Variants in ADGRG4 observed in about 807,000 individuals in gnomAD.
The protein encoded by ADGRG4 is adhesion G protein-coupled receptor G4, also known as G protein-coupled receptor 112.
Under a neutral mutation model 126.2 loss-of-function variants are expected in ADGRG4, and 122 were observed. The ratio of observed to expected loss-of-function variants is 0.97; its 90% CI spans 0.83 to 1.12. ADGRG4 has a LOEUF of 1.12. Among genes scored for constraint, ADGRG4 ranks in the 50% most tolerant of loss-of-function variants. The pLI, the probability that ADGRG4 is intolerant of heterozygous loss-of-function variation, is 0.00. For synonymous variants in ADGRG4, 943 were observed against 838.7 expected (o/e 1.12, Z -2.15); for missense variants, 2,481 against 2,251.8 (o/e 1.10, Z -2.06).
rs764469544 is a variant in ADGRG4, at chrX:136,349,091, T to C, written c.5385T>C (p.Thr1795=). 24 of 1,207,327 alleles carry C rather than the reference T, an allele frequency of 2.0e-5. No homozygotes were observed. The Admixed American group carries it at 5.2e-4, about 26-fold the overall frequency. Residue 1795 remains threonine, a synonymous_variant, in exon 6 of 26, where the codon ACT becomes ACC. Coordinates refer to ENST00000394143, the MANE Select transcript of ADGRG4 (RefSeq NM_153834.4). ...KTTTNCFSSN[T]RKMTSLLEKT... The stretch of plus-strand genomic sequence containing the variant: ...CCACCAATTGCTTTTCTTCTAATAC[T>C]AGAAAGATGACTTCCTTGTTAGAAA...
chrX:136,361,616 A>G (rs1233303979), intron 12 of ADGRG4, 29 bp downstream of exon 12: 11 of 1,095,734 alleles, frequency 1.0e-5, no homozygotes, highest in Non-Finnish European at 1.1e-5. Flanking sequence ...CTAATTGCTG[A>G]TTCAGATATA....
At chrX:136,301,531 G>T (rs1208166168) in intron 1 of ADGRG4, among the ~76,000 whole-genome samples, 1 of 111,877 alleles carries the variant, frequency 8.9e-6, no homozygotes, top group Non-Finnish European at 1.9e-5. Flanking sequence ...CTCTCATTCT[G>T]TAAGTTGCCT....
intron 19 of ADGRG4, 90 bp downstream of exon 19, chrX:136,395,583 A>G: frequency 2.2e-6 from 1 of 460,284 alleles, no homozygotes; most frequent in Non-Finnish European, 3.6e-6. Context: ...AAAAAATGGT[A>G]TGCATTTGGA....
intron 13 of ADGRG4, among the ~76,000 whole-genome samples, chrX:136,369,190 T>G (rs976778273): frequency 8.9e-6 from 1 of 112,701 alleles, no homozygotes; most frequent in Non-Finnish European, 1.9e-5. Context: ...AGGATAATAA[T>G]ACATTGTTGC....
intron 15 of ADGRG4, among the ~76,000 whole-genome samples, chrX:136,380,651 C>CTTCTT (rs1313068786): frequency 1.4e-5 from 1 of 73,191 alleles, no homozygotes; most frequent in Non-Finnish European, 2.7e-5. Context: ...TCTTCTTCTT[C>CTTCTT]CTCCTCCTCC....
chrX:136,347,637 C>T lies in ADGRG4; in HGVS notation c.3931C>T (p.Gln1311Ter), dbSNP rs1433246655. The T allele has an allele frequency of 4.1e-6, 5 of 1,209,106 alleles. No individual in the cohort carries two copies. The highest frequency in any genetic ancestry group is 5.6e-6 in the Non-Finnish European group (5 of 894,111). The part of the protein sequence containing the change: ...FPETTKISSH[Q>*]THSPSEIPLG... ...TGAGACCACAAAAATTTCCAGTCACCAAACACATTCGCCTTCAGAGATTCC... is the reference window on the plus strand; with the variant it reads ...TGAGACCACAAAAATTTCCAGTCACTAAACACATTCGCCTTCAGAGATTCC... Residue 1311 changes from glutamine to a stop codon, truncating the protein, a stop_gained, in exon 6 of 26, where the codon CAA becomes TAA. Transcript: ENST00000394143. LOFTEE classifies it high-confidence loss of function.
chrX:136,397,085 G>A (rs762581927), intron 19 of ADGRG4, among the ~76,000 whole-genome samples: 3 of 111,112 alleles, frequency 2.7e-5, no homozygotes, highest in Non-Finnish European at 5.7e-5. Flanking sequence ...CACCCCGCCC[G>A]GCCCCAAATA....
intron 13 of ADGRG4, among the ~76,000 whole-genome samples, chrX:136,367,502 C>G (rs1351850167): frequency 8.9e-6 from 1 of 111,984 alleles, no homozygotes; most frequent in Non-Finnish European, 1.9e-5. Context: ...AATAAACAGT[C>G]ATAACAACAA....
At chrX:136,398,161 T>C (rs1187237023) in intron 20 of ADGRG4, among the ~76,000 whole-genome samples, 159 bp downstream of exon 20, 10 of 112,233 alleles carry the variant, frequency 8.9e-5, no homozygotes, top group Non-Finnish European at 1.9e-4. Context: ...TCAAGGCTTC[T>C]CTAAAAATAT....
chrX:136,416,490 G>C lies in ADGRG4; in HGVS notation c.9242G>C (p.Ter3081SerextTer9). The change falls in exon 26 of 26, where the codon TGA (stop) becomes TCA (serine). Residue 3081 changes from the stop codon to serine, a stop_lost. Transcript: ENST00000394143. ...AAAGATCCTTACTGTTCCTCTCCTT[G>C]ATTTGTGAAGTTGTGCCTAATTATG... ...FDKDPYCSSP[*>S] 1 of 1,184,820 alleles carries C rather than the reference G, an allele frequency of 8.4e-7. No homozygotes were observed. Among genetic ancestry groups the C allele is most frequent in the South Asian group, 1.8e-5 (1 of 54,843 alleles).
At chrX:136,363,217 T>C (rs1326035914) in intron 12 of ADGRG4, among the ~76,000 whole-genome samples, 1 of 111,441 alleles carries the variant, frequency 9.0e-6, no homozygotes, top group Admixed American at 9.5e-5. Flanking sequence ...AGTAGGACAT[T>C]GCCATGCCCC....
At chrX:136,351,709 G>A (rs1194221907) in intron 7 of ADGRG4, among the ~76,000 whole-genome samples, 168 bp downstream of exon 7, 1 of 107,574 alleles carries the variant, frequency 9.3e-6, no homozygotes, top group African/African-American at 3.4e-5. Flanking sequence ...TACTCTGTAA[G>A]CAACATCATG....
chrX:136,367,548 T>C (rs1336039047), intron 13 of ADGRG4, among the ~76,000 whole-genome samples: 1 of 111,947 alleles, frequency 8.9e-6, no homozygotes, highest in African/African-American at 3.3e-5. Flanking sequence ...TTTTAGAAAA[T>C]TGACTGAGAA....
intron 2 of ADGRG4, among the ~76,000 whole-genome samples, chrX:136,304,413 A>G (rs1425163790): frequency 8.9e-6 from 1 of 112,264 alleles, no homozygotes; most frequent in Non-Finnish European, 1.9e-5. Context: ...TCCCACCCAA[A>G]ACCCCTCAGT....
intron 16 of ADGRG4, among the ~76,000 whole-genome samples, chrX:136,391,616 T>C (rs1448357018): frequency 8.9e-6 from 1 of 112,168 alleles, no homozygotes; most frequent in Non-Finnish European, 1.9e-5. Flanking sequence ...ACATAATAAG[T>C]GGCTCACTGT....
chrX:136,406,479 T>C (rs1176789334), intron 23 of ADGRG4, among the ~76,000 whole-genome samples: 1 of 112,333 alleles, frequency 8.9e-6, no homozygotes, highest in Non-Finnish European at 1.9e-5. Flanking sequence ...AAACAACCTT[T>C]AAAAAGTTAC....
Position 136,392,372 on chromosome X carries a change from A to C in ADGRG4, c.8034+18A>C. 2 of 1,131,837 alleles carry C rather than the reference A, an allele frequency of 1.8e-6. No individual in the cohort carries two copies. Among genetic ancestry groups the C allele is most frequent in the Non-Finnish European group, 2.4e-6 (2 of 848,865 alleles). 93.3% of individuals were successfully genotyped at this position (1,131,837 alleles called of 1,213,427 possible). A position where few individuals can be genotyped will look rare whatever the true frequency, so the allele number is the denominator to read the frequency against. On this transcript the variant is annotated intron_variant, in intron 17 of 25. Transcript: ENST00000394143. The stretch of plus-strand genomic sequence containing the variant: ...GAAACCAGGTAATATATCTATTTTC[A>C]GCTCAGAATCAAATGGCCTCAGGAA...
At chrX:136,409,552 C>T (rs777690922) in intron 23 of ADGRG4, among the ~76,000 whole-genome samples, 5 of 111,851 alleles carry the variant, frequency 4.5e-5, no homozygotes, top group Non-Finnish European at 3.8e-5. Flanking sequence ...GGTGCTGCAC[C>T]GCCTTCCAGG....
chrX:136,385,786 C>T (rs950766536), intron 15 of ADGRG4, among the ~76,000 whole-genome samples: 3 of 112,204 alleles, frequency 2.7e-5, no homozygotes, highest in Admixed American at 1.9e-4. Flanking sequence ...ATACTGTAGA[C>T]ACCAACTCTT....
Sources: gnomAD v4.1 joint callset for allele counts (sites outside exome capture counted in the v4.1 genomes callset) on GRCh38, gnomAD v4.1.1 for gene constraint, MANE v1.5 for transcripts, NCBI Gene and HGNC (gene_info 2026-07-23, HGNC 2026-07-21) for gene names.